The following PCDHGB3 variants were observed in gnomAD, a reference collection of about 807,000 sequenced individuals.
PCDHGB3 encodes the protein protocadherin gamma subfamily B, 3, also known as protocadherin gamma-B3.
Under a neutral mutation model 59.2 loss-of-function variants are expected in PCDHGB3, and 40 were observed. The observed-to-expected ratio is 0.68, with a 90% CI of 0.52 to 0.88. The LOEUF (loss-of-function observed/expected upper bound fraction) is 0.88, where lower values mean the gene tolerates loss of function less well. Among genes scored for constraint, PCDHGB3 ranks in the 40% least tolerant of loss-of-function variants. The probability of loss-of-function intolerance (pLI) is 0.00; values close to 1 mark genes in which losing one functional copy is unlikely to be tolerated. For synonymous variants in PCDHGB3, 581 were observed against 503.6 expected (o/e 1.15, Z -2.06); for missense variants, 1,309 against 1,187.9 (o/e 1.10, Z -1.50).
intron 1 of PCDHGB3, among the ~76,000 whole-genome samples, chr5:141,373,661 A>T (rs766983811): frequency 6.6e-6 from 1 of 152,270 alleles, no homozygotes; most frequent in Non-Finnish European, 1.5e-5. Context: ...AGATATTTTC[A>T]TAAAAATGAA....
intron 2 of PCDHGB3, among the ~76,000 whole-genome samples, chr5:141,501,761 G>C (rs906778888): frequency 2.6e-5 from 4 of 152,090 alleles, no homozygotes; most frequent in African/African-American, 4.8e-5. Flanking sequence ...CTCAGTAAAT[G>C]GTTAAAAAAG....
intron 3 of PCDHGB3, among the ~76,000 whole-genome samples, chr5:141,507,893 G>C (rs750472786): frequency 2.2e-4 from 33 of 152,356 alleles, no homozygotes; most frequent in Non-Finnish European, 4.1e-4. Context: ...AGAGGTTCCT[G>C]AAGTCCAGCC....
intron 1 of PCDHGB3, chr5:141,416,482 A>G (rs1009921478): frequency 6.6e-6 from 1 of 152,210 alleles, no homozygotes; most frequent in East Asian, 1.9e-4. Context: ...TGTTCCCGAG[A>G]ACAGGAGCAA....
At position 141,385,367 on chromosome 5, in the gene PCDHGB3, A is replaced by G. The variant is rs764038151; in HGVS notation, c.2415+12558A>G. 2.0e-5 allele frequency: 31 copies of G among 1,536,828 alleles called. 1 individual carries two copies. In the South Asian group the frequency reaches 3.9e-4, roughly 19 times the overall value. On this transcript the variant is annotated intron_variant, in intron 1 of 3. Coordinates refer to ENST00000576222, the MANE Select transcript of PCDHGB3 (RefSeq NM_018924.5). ...TTATTTCCATGAGGAATTTATTTGCATGATATTTCTCTATTATTTTGCAAA... is the reference window on the plus strand; with the variant it reads ...TTATTTCCATGAGGAATTTATTTGCGTGATATTTCTCTATTATTTTGCAAA...
rs1290674122 is a variant in PCDHGB3 at position 141,489,521 on chromosome 5, G to A, written c.2416-5286G>A. 3 of 1,613,988 alleles carry A rather than the reference G, an allele frequency of 1.9e-6. No individual in the cohort carries two copies. The highest frequency in any genetic ancestry group is 2.2e-5 in the East Asian group (1 of 44,886). On this transcript the variant is annotated intron_variant, in intron 1 of 3. Coordinates refer to ENST00000576222, the MANE Select transcript of PCDHGB3 (RefSeq NM_018924.5). This position sits in a 1 kb window ranked among gnomAD's most constrained non-coding sequence, Gnocchi z 4.5. ...GTGAATCAAAAGATTGACCGAGAAAGCCTATGTGGAGCCAGCACCAGCTGC... is the reference window on the plus strand; with the variant it reads ...GTGAATCAAAAGATTGACCGAGAAAACCTATGTGGAGCCAGCACCAGCTGC...
chr5:141,485,383 G>C lies in PCDHGB3; in HGVS notation c.2416-9424G>C. 6.2e-7 allele frequency: 1 copy of C among 1,614,128 alleles called. No individual in the cohort carries two copies. Among genetic ancestry groups the C allele is most frequent in the Non-Finnish European group, 8.5e-7 (1 of 1,180,020 alleles). On this transcript the variant is annotated intron_variant, in intron 1 of 3. Coordinates refer to ENST00000576222, the MANE Select transcript of PCDHGB3 (RefSeq NM_018924.5). The surrounding 1 kb of genome is among the most constrained non-coding windows in gnomAD (Gnocchi z 5.7). Reference sequence around the variant, plus strand: ...GCAGGCTGCAGGTCGCTGGAGAGGTGAACCAAAGACACTTCCGTGTGGATT... The same window carrying C: ...GCAGGCTGCAGGTCGCTGGAGAGGTCAACCAAAGACACTTCCGTGTGGATT...
chr5:141,401,125 C>T (rs2094118410), intron 1 of PCDHGB3, among the ~76,000 whole-genome samples: 1 of 152,200 alleles, frequency 6.6e-6, no homozygotes, highest in South Asian at 2.1e-4. Context: ...GGTTGGATCA[C>T]ATGGTCAGGA....
In PCDHGB3 at chr5:141,486,748, T is replaced by C; in HGVS notation, c.2416-8059T>C. ...TTCATGCTACTCGATCCTTTGACTA[T>C]GAGCAAACCCAGACACTGCAGTTTG... is the stretch of plus-strand genomic sequence containing the variant. On this transcript the variant is annotated intron_variant, in intron 1 of 3. Coordinates refer to ENST00000576222, the MANE Select transcript of PCDHGB3 (RefSeq NM_018924.5). The surrounding 1 kb of genome is among the most constrained non-coding windows in gnomAD (Gnocchi z 5.0). 6.2e-7 allele frequency: 1 copy of C among 1,614,230 alleles called. No individual in the cohort carries two copies. The highest frequency in any genetic ancestry group is 8.5e-7 in the Non-Finnish European group (1 of 1,180,042).
chr5:141,426,317 C>A, intron 1 of PCDHGB3: 1 of 173,952 alleles, frequency 5.7e-6, no homozygotes, highest in African/African-American at 2.4e-5. Flanking sequence ...AGAAGCAGGA[C>A]CCGGCAGTGG....
rs951185891 is a variant in PCDHGB3, at chr5:141,494,814, C to T, written c.2423C>T (p.Pro808Leu). 7 of 1,614,152 alleles carry T rather than the reference C, an allele frequency of 4.3e-6. No individual in the cohort carries two copies. The highest frequency in any genetic ancestry group is 1.7e-5 in the Admixed American group (1 of 60,024). Residue 808 changes from proline to leucine, a missense_variant, in exon 2 of 4, where the codon CCG becomes CTG. By Grantham distance (98) the Pro-to-Leu change is moderately conservative (BLOSUM62 -3). Transcript: ENST00000576222. The part of the protein sequence containing the change: ...SNSGNLQKQA[P>L]PNTDWRFSQA... ...CCTCTGTTTTCTCCACAGCAAGCCCCGCCCAACACGGACTGGCGTTTCTCT... is the reference window on the plus strand; with the variant it reads ...CCTCTGTTTTCTCCACAGCAAGCCCTGCCCAACACGGACTGGCGTTTCTCT...
At position 141,491,458 on chromosome 5, in the gene PCDHGB3, G is replaced by T. The variant is rs867069360; in HGVS notation, c.2416-3349G>T. 1.9e-6 allele frequency: 3 copies of T among 1,613,974 alleles called. No homozygotes were observed. The highest frequency in any genetic ancestry group is 1.6e-4 in the Middle Eastern group (1 of 6,084). On this transcript the variant is annotated intron_variant, in intron 1 of 3. Coordinates refer to ENST00000576222, the MANE Select transcript of PCDHGB3 (RefSeq NM_018924.5). This position sits in a 1 kb window ranked among gnomAD's most constrained non-coding sequence, Gnocchi z 6.9. ...CAGGCGCCAGGACTCACCCTCCCCGGACTTCTATAAGCAGTCCAGCCCCAA... is the reference window on the plus strand; with the variant it reads ...CAGGCGCCAGGACTCACCCTCCCCGTACTTCTATAAGCAGTCCAGCCCCAA...
intron 3 of PCDHGB3, among the ~76,000 whole-genome samples, chr5:141,509,791 C>T (rs2099878284): frequency 6.6e-6 from 1 of 152,164 alleles, no homozygotes; most frequent in Non-Finnish European, 1.5e-5. Flanking sequence ...TCATCATCTC[C>T]TCAGCTTCAT....
At chr5:141,399,936 C>T (rs1370105984) in intron 1 of PCDHGB3, 2 of 1,612,268 alleles carry the variant, frequency 1.2e-6, no homozygotes, top group Non-Finnish European at 8.5e-7. Flanking sequence ...TGTCCTACCA[C>T]GTGCTGCAGG....
intron 1 of PCDHGB3, chr5:141,415,056 G>A (rs1367441891): frequency 1.2e-6 from 2 of 1,613,416 alleles, no homozygotes; most frequent in East Asian, 2.2e-5. Context: ...GGGAGCACAC[G>A]GGCGAGGTGC....
At chr5:141,421,147 G>A in intron 1 of PCDHGB3, 1 of 1,019,036 alleles carries the variant, frequency 9.8e-7, no homozygotes, top group South Asian at 1.7e-5. Context: ...GGATGTAGTC[G>A]GCCTAGGACT....
rs775247725 is a variant in PCDHGB3, at chr5:141,393,523, A to T, written c.2415+20714A>T. The T allele has an allele frequency of 2.0e-5, 33 of 1,613,900 alleles. No individual in the cohort carries two copies. Among genetic ancestry groups the T allele is most frequent in the Middle Eastern group, 1.6e-4 (1 of 6,084 alleles). ...CACGTGACAGTGTTGGATACAAATG[A>T]CAATGCCCCGGTTTTTCCTCACCCG... is the stretch of plus-strand genomic sequence containing the variant. On this transcript the variant is annotated intron_variant, in intron 1 of 3. Transcript: ENST00000576222.
intron 1 of PCDHGB3, chr5:141,403,191 G>T (rs368387997): frequency 6.2e-7 from 1 of 1,613,994 alleles, no homozygotes; most frequent in Non-Finnish European, 8.5e-7. Flanking sequence ...CTGAACCCGC[G>T]CAGCGGCACC....
chr5:141,372,354 C>T lies in PCDHGB3; in HGVS notation c.1960C>T (p.Leu654Phe). The T allele has an allele frequency of 1.2e-6, 2 of 1,613,946 alleles. No individual in the cohort carries two copies. Among genetic ancestry groups the T allele is most frequent in the Non-Finnish European group, 8.5e-7 (1 of 1,179,902 alleles). The change falls in exon 1 of 4, where the codon CTT (leucine) becomes TTT (phenylalanine). Residue 654 changes from leucine to phenylalanine, a missense_variant. Physicochemically the swap from Leu to Phe is conservative, Grantham distance 22. Coordinates refer to ENST00000576222, the MANE Select transcript of PCDHGB3 (RefSeq NM_018924.5). ...VTVRDGGQQPLSATVMLHLIF... is the reference protein window; with the variant it reads ...VTVRDGGQQPFSATVMLHLIF... ...TGTGCGTGATGGAGGACAGCAGCCT[C>T]TTTCAGCCACCGTCATGCTGCACCT...
chr5:141,383,521 C>T (rs1434665459), intron 1 of PCDHGB3: 5 of 1,612,260 alleles, frequency 3.1e-6, no homozygotes, highest in Non-Finnish European at 4.2e-6. Flanking sequence ...AGAGCGGGTT[C>T]ACCACCTGGT....
Sources: allele counts gnomAD v4.1 joint callset (sites outside exome capture counted in the v4.1 genomes callset), GRCh38; gene constraint gnomAD v4.1.1; non-coding constraint Gnocchi (gnomAD v3.1); transcripts MANE v1.5; gene names NCBI Gene and HGNC (gene_info 2026-07-23, HGNC 2026-07-21).